PRKACA: variants seen among roughly 807,000 people sequenced by gnomAD.
PRKACA encodes protein kinase cAMP-activated catalytic subunit alpha, also known as cAMP-dependent protein kinase catalytic subunit alpha.
PRKACA carries 9 observed loss-of-function variants against 45.8 expected under a neutral mutation model. The ratio of observed to expected loss-of-function variants is 0.20; its 90% confidence interval spans 0.12 to 0.34. The LOEUF (loss-of-function observed/expected upper bound fraction) is 0.34. PRKACA is among the 10% of genes least tolerant of loss of function. PRKACA has a pLI of 1.00. For missense variants in PRKACA, 238 were observed against 458.6 expected (o/e 0.52, Z 4.39); for synonymous variants, 160 against 178.6 (o/e 0.90, Z 0.83).
At position 14,092,073 on chromosome 19, in the gene PRKACA, C is replaced by T. The variant is rs1390586584; in HGVS notation, c.*1039G>A. ...GCAGCTCTAGCCTTGAACCCCGGGC[C>T]GTGGCTTGGGGGGACTTGGCCTCTT... On this transcript the variant is annotated 3_prime_UTR_variant, in exon 10 of 10. Transcript: ENST00000308677. The T allele has an allele frequency of 1.3e-5, 2 of 152,356 alleles. No individual in the cohort carries two copies. Among genetic ancestry groups the T allele is most frequent in the Non-Finnish European group, 1.5e-5 (1 of 68,146 alleles). 9.4% of individuals were successfully genotyped at this position (152,356 alleles called of 1,614,324 possible).
intron 1 of PRKACA, among the ~76,000 whole-genome samples, chr19:14,109,840 G>C (rs1258532059): frequency 7.2e-6 from 1 of 138,930 alleles, no homozygotes; most frequent in East Asian, 2.2e-4. Context: ...TGGGAGGCTG[G>C]GGCAGGAAAA....
intron 8 of PRKACA, among the ~76,000 whole-genome samples, chr19:14,095,947 C>A (rs1469264073): frequency 1.3e-5 from 2 of 151,448 alleles, no homozygotes; most frequent in Non-Finnish European, 2.9e-5. Context: ...TCACAGCTCA[C>A]TTCTGGGCTC....
chr19:14,107,952 C>T (rs1393143311), intron 1 of PRKACA: 2 of 986,826 alleles, frequency 2.0e-6, no homozygotes, highest in Non-Finnish European at 1.2e-6. Flanking sequence ...CCGATGCCCA[C>T]TCCTCGGCCC....
At chr19:14,104,695 C>CAAA (rs1187253406) in intron 3 of PRKACA, among the ~76,000 whole-genome samples, 1 of 53,220 alleles carries the variant, frequency 1.9e-5, no homozygotes, top group Non-Finnish European at 3.9e-5. Context: ...GACTCCATCT[C>CAAA]AAAAAAAAAA....
At position 14,093,885 on chromosome 19, in the gene PRKACA, T is replaced by G; in HGVS notation, c.766-93A>C. On this transcript the variant is annotated intron_variant, in intron 8 of 9. Coordinates refer to ENST00000308677, the MANE Select transcript of PRKACA (RefSeq NM_002730.4). ...TTCTCCATCCAACGGTCCTACTGGG[T>G]GTGGGCCTCCAAAGCAGAGTGCCTG... 4 of 1,338,478 alleles carry G rather than the reference T, an allele frequency of 3.0e-6. 1 individual carries two copies. Among genetic ancestry groups the G allele is most frequent in the Non-Finnish European group, 4.0e-6 (4 of 992,052 alleles). The allele number at this position is 1,338,478 out of a possible 1,614,324, so 82.9% of individuals were successfully genotyped here. A position where few individuals can be genotyped will look rare whatever the true frequency, so the allele number is the denominator to read the frequency against.
intron 1 of PRKACA, among the ~76,000 whole-genome samples, chr19:14,113,692 C>T (rs1218559255): frequency 6.6e-6 from 1 of 152,162 alleles, no homozygotes; most frequent in Non-Finnish European, 1.5e-5. Flanking sequence ...CCAGCCTGGG[C>T]TGGGCCCCCT....
chr19:14,117,286 G>A (rs903488013), intron 1 of PRKACA, among the ~76,000 whole-genome samples: 3 of 151,568 alleles, frequency 2.0e-5, no homozygotes, highest in African/African-American at 7.3e-5. Context: ...GGGGAGCACG[G>A]TCTTTGCAGC....
chr19:14,116,948 C>A (rs1237835736), intron 1 of PRKACA, among the ~76,000 whole-genome samples: 5 of 130,582 alleles, frequency 3.8e-5, no homozygotes, highest in African/African-American at 1.2e-4. Context: ...GTTCAGGGGG[C>A]AGGATGGGTT....
intron 3 of PRKACA, among the ~76,000 whole-genome samples, chr19:14,106,372 G>A (rs559619610): frequency 4.0e-4 from 60 of 151,784 alleles, no homozygotes; most frequent in African/African-American, 7.7e-4. Flanking sequence ...AAAACCAAGC[G>A]GCCAGGCGCG....
chr19:14,117,394 T>G (rs1599353659), intron 1 of PRKACA, 108 bp downstream of exon 1: 21 of 1,079,162 alleles, frequency 1.9e-5, no homozygotes, highest in Admixed American at 1.1e-4. Flanking sequence ...CGCTGGGGGG[T>G]AGGCAGAGAG....
chr19:14,100,188 G>C (rs1202848721), intron 5 of PRKACA, among the ~76,000 whole-genome samples: 1 of 151,968 alleles, frequency 6.6e-6, no homozygotes, highest in African/African-American at 2.4e-5. Context: ...TGCAGCCCAG[G>C]CTGGTCTCAA....
At position 14,093,762 on chromosome 19, in the gene PRKACA, A is replaced by T; in HGVS notation, c.796T>A (p.Leu266Met). Reference sequence around the variant, plus strand: ...AGGAGGTTCCGCAGCAGGTCCTTCAAGTCAGAGCTGAAGTGGGAAGGGAAG... The same window carrying T: ...AGGAGGTTCCGCAGCAGGTCCTTCATGTCAGAGCTGAAGTGGGAAGGGAAG... ...VRFPSHFSSD[L>M]KDLLRNLLQV... is the part of the protein sequence containing the mutation. The change falls in exon 9 of 10, where the codon TTG becomes ATG. Residue 266 changes from leucine (L) to methionine (M), a missense_variant. Leu to Met is a conservative substitution (Grantham distance 15). Transcript: ENST00000308677. 6.2e-7 allele frequency: 1 copy of T among 1,613,946 alleles called. No homozygotes were observed.
At chr19:14,103,700 G>T (rs901106829) in intron 3 of PRKACA, among the ~76,000 whole-genome samples, 4 of 152,164 alleles carry the variant, frequency 2.6e-5, no homozygotes, top group Non-Finnish European at 5.9e-5. Flanking sequence ...GGGGGATGCT[G>T]GGCCCTTGAA....
intron 1 of PRKACA, among the ~76,000 whole-genome samples, chr19:14,116,544 A>G (rs1359102458): frequency 6.6e-6 from 1 of 152,146 alleles, no homozygotes. Flanking sequence ...GAGTGGTGGA[A>G]GAAGCCCCAG....
At position 14,097,917 on chromosome 19, in the gene PRKACA, C is replaced by A. The variant is rs375422928; in HGVS notation, c.420-27G>T. ...TGATGGGGACAAATGGGGAGGTGAA[C>A]GTCAGTGGTCATGCCCCAAAATGGT... On this transcript the variant is annotated intron_variant, in intron 5 of 9. Transcript: ENST00000308677. This position sits in a 1 kb window ranked among gnomAD's most constrained non-coding sequence, Gnocchi z 5.4. 1 of 1,612,860 alleles carries A rather than the reference C, an allele frequency of 6.2e-7. No individual in the cohort carries two copies. The highest frequency in any genetic ancestry group is 8.5e-7 in the Non-Finnish European group (1 of 1,179,312).
At position 14,097,018 on chromosome 19, in the gene PRKACA, G is replaced by C; in HGVS notation, c.765+343C>G. On this transcript the variant is annotated intron_variant, in intron 8 of 9. Coordinates refer to ENST00000308677, the MANE Select transcript of PRKACA (RefSeq NM_002730.4). This position sits in a 1 kb window ranked among gnomAD's most constrained non-coding sequence, Gnocchi z 5.4. Reference sequence around the variant, plus strand: ...CTGGGAACAGGAACCAAATACATTCGTTTTTCTGCCTTGGAATTTGCGAAA... The same window carrying C: ...CTGGGAACAGGAACCAAATACATTCCTTTTTCTGCCTTGGAATTTGCGAAA... 1 of 363,256 alleles carries C rather than the reference G, an allele frequency of 2.8e-6. No homozygotes were observed. Among genetic ancestry groups the C allele is most frequent in the South Asian group, 2.2e-5 (1 of 45,838 alleles). The allele number at this position is 363,256 out of a possible 1,614,324, so 22.5% of individuals were successfully genotyped here.
chr19:14,101,450 C>T (rs1176476324), intron 4 of PRKACA, among the ~76,000 whole-genome samples: 4 of 152,114 alleles, frequency 2.6e-5, no homozygotes, highest in South Asian at 2.1e-4. Context: ...CACCTGTAGT[C>T]TCATACTCAG....
rs143276259 is a variant in PRKACA at position 14,117,728 on chromosome 19, G to A, written c.-181C>T. On this transcript the variant is annotated 5_prime_UTR_variant, in exon 1 of 10. Coordinates refer to ENST00000308677, the MANE Select transcript of PRKACA (RefSeq NM_002730.4). ...CGCGTCTCTCCGCGCCCGCCCGCCC[G>A]GGAACCTCAGCCCAAGATCTCTGCC... The A allele has an allele frequency of 4.0e-3, 716 of 177,266 alleles. 5 individuals are homozygous for A. The highest frequency in any genetic ancestry group is 0.016 in the African/African-American group (681 of 41,878). 11.0% of individuals were successfully genotyped at this position (177,266 alleles called of 1,614,324 possible). A position where few individuals can be genotyped will look rare whatever the true frequency, so the allele number is the denominator to read the frequency against.
At position 14,097,495 on chromosome 19, in the gene PRKACA, T is replaced by G; in HGVS notation, c.643-12A>C. ...GCCTTGTTGTAGCCCTGGAGCAAGA[T>G]GGGGGGGCACAGGGTGAGGAGGAGG... On this transcript the variant is annotated splice_polypyrimidine_tract_variant and intron_variant, in intron 7 of 9. Coordinates refer to ENST00000308677, the MANE Select transcript of PRKACA (RefSeq NM_002730.4). This position sits in a 1 kb window ranked among gnomAD's most constrained non-coding sequence, Gnocchi z 5.4. 6.2e-7 allele frequency: 1 copy of G among 1,612,590 alleles called. No individual in the cohort carries two copies. The highest frequency in any genetic ancestry group is 8.5e-7 in the Non-Finnish European group (1 of 1,179,602).
Sources: allele counts gnomAD v4.1 joint callset (sites outside exome capture counted in the v4.1 genomes callset), GRCh38; gene constraint gnomAD v4.1.1; non-coding constraint Gnocchi (gnomAD v3.1); transcripts MANE v1.5; gene names NCBI Gene and HGNC (gene_info 2026-07-23, HGNC 2026-07-21).